WDR19: variants seen among roughly 807,000 people sequenced by gnomAD.
WDR19 encodes the protein WD repeat-containing protein 19.
WDR19 carries 121 observed loss-of-function variants against 180.0 expected under a neutral mutation model. That is an observed-to-expected ratio of 0.67 (90% confidence interval 0.58 to 0.78). WDR19 has a LOEUF of 0.78. Among genes scored for constraint, WDR19 ranks in the 30% least tolerant of loss-of-function variants. WDR19 has a pLI of 0.00. For synonymous variants in WDR19, 497 were observed against 540.7 expected (o/e 0.92, Z 1.12); for missense variants, 1,450 against 1,640.7 (o/e 0.88, Z 2.01).
At chr4:39,278,775 G>T (rs1453495751) in intron 36 of WDR19, 112 bp downstream of exon 36, 3 of 521,168 alleles carry the variant, frequency 5.8e-6, no homozygotes, top group African/African-American at 2.0e-5. Flanking sequence ...GAACTTGCCA[G>T]ATTTGAACAA....
intron 5 of WDR19, among the ~76,000 whole-genome samples, chr4:39,195,366 C>CAAAAA (rs10710164): frequency 7.4e-6 from 1 of 135,632 alleles, no homozygotes; most frequent in Non-Finnish European, 1.6e-5. Context: ...GACTTCATCT[C>CAAAAA]AAAAAAAAAA....
intron 7 of WDR19, among the ~76,000 whole-genome samples, 171 bp downstream of exon 7, chr4:39,203,893 A>G (rs556642433): frequency 6.6e-6 from 1 of 152,370 alleles, no homozygotes; most frequent in South Asian, 2.1e-4. Flanking sequence ...TGTAATTGCT[A>G]CTGACTACCT....
At chr4:39,217,331 A>C in intron 13 of WDR19, 91 bp downstream of exon 13, 2 of 1,059,152 alleles carry the variant, frequency 1.9e-6, no homozygotes, top group South Asian at 2.8e-5. Flanking sequence ...GGAAGCAAGG[A>C]TGTACAGACT....
intron 1 of WDR19, among the ~76,000 whole-genome samples, chr4:39,184,949 TTAA>T (rs1371788453): frequency 1.3e-5 from 2 of 152,214 alleles, no homozygotes; most frequent in Non-Finnish European, 2.9e-5. Context: ...AAAATTTATT[TTAA>T]TAATATATTT....
intron 24 of WDR19, among the ~76,000 whole-genome samples, chr4:39,246,902 G>A (rs1359183385): frequency 6.6e-6 from 1 of 152,270 alleles, no homozygotes; most frequent in African/African-American, 2.4e-5. Flanking sequence ...AGGCCTGCCT[G>A]CCTCTGTAGG....
chr4:39,215,103 T>G (rs1728930858), intron 10 of WDR19, among the ~76,000 whole-genome samples: 1 of 152,140 alleles, frequency 6.6e-6, no homozygotes, highest in Non-Finnish European at 1.5e-5. Flanking sequence ...TTCACTAGAG[T>G]TCCCTAAAAT....
chr4:39,260,823 T>G (rs1734214523), intron 28 of WDR19, among the ~76,000 whole-genome samples: 1 of 152,162 alleles, frequency 6.6e-6, no homozygotes, highest in Non-Finnish European at 1.5e-5. Context: ...TTCCTGTACA[T>G]GTATGCAAGG....
chr4:39,223,580 G>A (rs184428111), intron 14 of WDR19, among the ~76,000 whole-genome samples: 2 of 152,246 alleles, frequency 1.3e-5, no homozygotes, highest in East Asian at 3.9e-4. Flanking sequence ...CTGACCTCGT[G>A]ATCCACCCAC....
chr4:39,228,336 T>C lies in WDR19; in HGVS notation c.1756T>C (p.Phe586Leu). ...YDDDKVYTYV[F>L]HKDTIQGAKV... ...TGATGATAAGGTGTACACTTATGTC[T>C]TTCACAAGGACACTATACAAGGTAC... is the stretch of plus-strand genomic sequence containing the variant. The change falls in exon 16 of 37, where the codon TTT becomes CTT. Residue 586 changes from phenylalanine (F) to leucine (L), a missense_variant. By Grantham distance (22) the Phe-to-Leu change is conservative. Coordinates refer to ENST00000399820, the MANE Select transcript of WDR19 (RefSeq NM_025132.4). 6.2e-7 allele frequency: 1 copy of C among 1,611,444 alleles called. No individual in the cohort carries two copies. The highest frequency in any genetic ancestry group is 8.5e-7 in the Non-Finnish European group (1 of 1,177,888).
intron 26 of WDR19, 112 bp downstream of exon 26, chr4:39,254,142 A>C: frequency 9.2e-7 from 1 of 1,081,650 alleles, no homozygotes. Flanking sequence ...CCTGGTGTAA[A>C]TGTTTACCAT....
intron 32 of WDR19, chr4:39,273,715 A>G (rs958023976): frequency 6.6e-6 from 1 of 152,226 alleles, no homozygotes; most frequent in African/African-American, 2.4e-5. Flanking sequence ...AGGCCTGCAC[A>G]CACAAGTACT....
intron 28 of WDR19, among the ~76,000 whole-genome samples, chr4:39,262,587 G>A (rs1220420344): frequency 6.6e-6 from 1 of 151,928 alleles, no homozygotes; most frequent in Non-Finnish European, 1.5e-5. Flanking sequence ...CGCTTCCTTC[G>A]TTCCTTCACT....
At chr4:39,279,735 T>C (rs1578066108) in intron 36 of WDR19, among the ~76,000 whole-genome samples, 1 of 149,628 alleles carries the variant, frequency 6.7e-6, no homozygotes, top group East Asian at 2.0e-4. Flanking sequence ...ACAGTCTTGC[T>C]CTATTGCCCA....
intron 23 of WDR19, 132 bp downstream of exon 23, chr4:39,244,684 C>G: frequency 1.2e-6 from 1 of 853,110 alleles, no homozygotes; most frequent in Non-Finnish European, 1.8e-6. Flanking sequence ...CCCTTCATCT[C>G]TTTTGTTCTC....
At chr4:39,247,683 T>C (rs945442516) in intron 24 of WDR19, among the ~76,000 whole-genome samples, 3 of 152,042 alleles carry the variant, frequency 2.0e-5, no homozygotes, top group Non-Finnish European at 2.9e-5. Flanking sequence ...GTGAAAACCA[T>C]GGCACAAGAA....
Position 39,205,624 on chromosome 4 carries a change from C to T in WDR19, c.778C>T (p.His260Tyr), listed in dbSNP as rs754678482. Reference sequence around the variant, plus strand: ...TGGACATTTTGTGGTCATTTCTACTCATACTGGAGAGCTTGGTCAAGAGAT... The same window carrying T: ...TGGACATTTTGTGGTCATTTCTACTTATACTGGAGAGCTTGGTCAAGAGAT... ...SCGHFVVIST[H>Y]TGELGQEIFQ... is the part of the protein sequence containing the mutation. The change falls in exon 9 of 37, where the codon CAT (histidine) becomes TAT (tyrosine). Residue 260 changes from histidine (H) to tyrosine (Y), a missense_variant. Physicochemically the swap from His to Tyr is moderately conservative, Grantham distance 83. Transcript: ENST00000399820. The T allele has an allele frequency of 9.9e-6, 16 of 1,613,216 alleles. No individual in the cohort carries two copies. The highest frequency in any genetic ancestry group is 1.1e-5 in the Non-Finnish European group (13 of 1,179,622).
rs1173253143 is a variant in WDR19, at chr4:39,247,020, C to T, written c.2729+1568C>T. Among the ~76,000 whole-genome samples, 5 of 152,198 alleles carry T rather than the reference C, an allele frequency of 3.3e-5. No homozygotes were observed. The East Asian group carries it at 5.8e-4, about 18-fold the overall frequency. On this transcript the variant is annotated intron_variant, in intron 24 of 36. Coordinates refer to ENST00000399820, the MANE Select transcript of WDR19 (RefSeq NM_025132.4). Reference sequence around the variant, plus strand: ...GAAGAGAGGAGTGGTTCTCCCAGCACGCAGCTTGAGATCTGAGAATGGGCA... The same window carrying T: ...GAAGAGAGGAGTGGTTCTCCCAGCATGCAGCTTGAGATCTGAGAATGGGCA...
chr4:39,281,795 C>T (rs1262352537), intron 36 of WDR19, among the ~76,000 whole-genome samples: 1 of 152,158 alleles, frequency 6.6e-6, no homozygotes, highest in African/African-American at 2.4e-5. Context: ...CGATAATCAT[C>T]GTGTTGACTG....
chr4:39,244,617 C>A, intron 23 of WDR19, 65 bp downstream of exon 23: 1 of 1,560,584 alleles, frequency 6.4e-7, no homozygotes, highest in Non-Finnish European at 8.8e-7. Context: ...GGGGTCTCCC[C>A]ACTTGCCTCC....
Sources: allele counts gnomAD v4.1 joint callset (sites outside exome capture counted in the v4.1 genomes callset), GRCh38; gene constraint gnomAD v4.1.1; transcripts MANE v1.5; gene names NCBI Gene and HGNC (gene_info 2026-07-23, HGNC 2026-07-21).